Variants in GADL1 observed in about 807,000 individuals in gnomAD.
The protein encoded by GADL1 is acidic amino acid decarboxylase GADL1.
Under a neutral mutation model 69.5 loss-of-function variants are expected in GADL1, and 71 were observed. The ratio of observed to expected loss-of-function variants is 1.02; its 90% CI spans 0.84 to 1.25. The LOEUF (loss-of-function observed/expected upper bound fraction) is 1.25. Among genes scored for constraint, GADL1 ranks in the 50% most tolerant of loss-of-function variants. The pLI, the probability that GADL1 is intolerant of heterozygous loss-of-function variation, is 0.00. For synonymous variants in GADL1, 254 were observed against 214.4 expected (o/e 1.18, Z -1.62); for missense variants, 737 against 631.8 (o/e 1.17, Z -1.79).
At chr3:30,753,059 TTTAAAA>T (rs1364474135) in intron 14 of GADL1, among the ~76,000 whole-genome samples, 2 of 152,184 alleles carry the variant, frequency 1.3e-5, no homozygotes, top group African/African-American at 4.8e-5. Flanking sequence ...CCAGCTACTC[TTTAAAA>T]TCAAAATGCT....
intron 13 of GADL1, among the ~76,000 whole-genome samples, chr3:30,781,351 T>C (rs1575202042): frequency 6.6e-6 from 1 of 152,250 alleles, no homozygotes; most frequent in Non-Finnish European, 1.5e-5. Context: ...GCAGCTCACG[T>C]TCTCTAAAAC....
intron 14 of GADL1, among the ~76,000 whole-genome samples, chr3:30,752,828 C>T (rs779606654): frequency 1.4e-5 from 2 of 146,834 alleles, no homozygotes; most frequent in Non-Finnish European, 1.5e-5. Flanking sequence ...CAAGAGTTTT[C>T]TATTTAAGTT....
intron 14 of GADL1, among the ~76,000 whole-genome samples, chr3:30,773,547 GTA>G (rs1696466825): frequency 6.6e-6 from 1 of 152,096 alleles, no homozygotes; most frequent in African/African-American, 2.4e-5. Context: ...ATGTACTTAA[GTA>G]TACTTAAGCA....
intron 14 of GADL1, among the ~76,000 whole-genome samples, chr3:30,748,154 A>G (rs1695738115): frequency 6.6e-6 from 1 of 152,208 alleles, no homozygotes; most frequent in African/African-American, 2.4e-5. Context: ...CTCCTGGACC[A>G]AATCAATGGC....
At chr3:30,875,686 C>G (rs147816852) in intron 1 of GADL1, among the ~76,000 whole-genome samples, 8 of 151,800 alleles carry the variant, frequency 5.3e-5, no homozygotes, top group Admixed American at 3.3e-4. Context: ...TCTGATTTGC[C>G]CTCTCGGGTG....
At chr3:30,872,121 C>T (rs1017527256) in intron 1 of GADL1, among the ~76,000 whole-genome samples, 1 of 151,944 alleles carries the variant, frequency 6.6e-6, no homozygotes, top group African/African-American at 2.4e-5. Flanking sequence ...ATCTTTTGAA[C>T]TTCTATAATG....
intron 12 of GADL1, chr3:30,800,637 G>A (rs986960857): frequency 2.0e-6 from 1 of 499,410 alleles, no homozygotes; most frequent in African/African-American, 1.9e-5. Context: ...CATCTCAGTA[G>A]GCTAGGATCT....
chr3:30,844,615 G>A, intron 6 of GADL1, 149 bp from the exon 7 acceptor site: 3 of 628,560 alleles, frequency 4.8e-6, no homozygotes, highest in East Asian at 5.4e-5. Context: ...GAGCTCCTTA[G>A]CATAGTGGTT....
chr3:30,836,421 G>A (rs1438991136), intron 9 of GADL1, among the ~76,000 whole-genome samples: 1 of 149,638 alleles, frequency 6.7e-6, no homozygotes, highest in Non-Finnish European at 1.5e-5. Context: ...CACCCCTGAT[G>A]TAAATGCCCT....
intron 1 of GADL1, among the ~76,000 whole-genome samples, chr3:30,884,461 C>G (rs183219042): frequency 6.6e-6 from 1 of 151,994 alleles, no homozygotes; most frequent in Admixed American, 6.6e-5. Flanking sequence ...CCTAAATCCA[C>G]GAGAGATGGA....
In GADL1 at chr3:30,749,370, A is replaced by C. The variant is rs142379116; in HGVS notation, c.1393-20955T>G. On this transcript the variant is annotated intron_variant, in intron 14 of 14. Coordinates refer to ENST00000282538, the MANE Select transcript of GADL1 (RefSeq NM_207359.3). Reference sequence around the variant, plus strand: ...TCTTGGTCTTCTCTCTAAAATCAGAAGAAAAGAAGACTGGCCAGAATGCTG... The same window carrying C: ...TCTTGGTCTTCTCTCTAAAATCAGACGAAAAGAAGACTGGCCAGAATGCTG... Among the ~76,000 whole-genome samples, 543 of 152,322 alleles carry C rather than the reference A, an allele frequency of 3.6e-3. 2 individuals are homozygous for C. The highest frequency in any genetic ancestry group is 0.012 in the African/African-American group (514 of 41,570).
chr3:30,785,372 ATTTCTT>A (rs1178145380), intron 13 of GADL1, among the ~76,000 whole-genome samples: 4 of 133,482 alleles, frequency 3.0e-5, no homozygotes, highest in Non-Finnish European at 3.0e-5. Flanking sequence ...AAAAAGCTAG[ATTTCTT>A]TTTCTTTTTT....
intron 11 of GADL1, among the ~76,000 whole-genome samples, chr3:30,804,357 A>G (rs1238886295): frequency 6.6e-6 from 1 of 152,164 alleles, no homozygotes; most frequent in Non-Finnish European, 1.5e-5. Flanking sequence ...GGAAATGACA[A>G]AGAGACAACT....
chr3:30,778,308 T>A, intron 13 of GADL1, 40 bp from the exon 14 acceptor site: 1 of 1,265,862 alleles, frequency 7.9e-7, no homozygotes, highest in Non-Finnish European at 1.1e-6. Context: ...ATCTTAAGAT[T>A]TATCTTAGAA....
intron 1 of GADL1, 40 bp downstream of exon 1, chr3:30,894,538 G>T (rs1184943511): frequency 2.0e-6 from 3 of 1,515,900 alleles, no homozygotes; most frequent in Admixed American, 2.0e-5. Context: ...CCAGACAGGG[G>T]AGGTTAAGGA....
intron 14 of GADL1, among the ~76,000 whole-genome samples, chr3:30,737,332 C>T (rs1022592493): frequency 4.6e-5 from 7 of 151,982 alleles, no homozygotes; most frequent in African/African-American, 1.2e-4. Context: ...AATTTCCTCT[C>T]GCATTGCTTA....
intron 14 of GADL1, among the ~76,000 whole-genome samples, chr3:30,739,105 T>C (rs1016046648): frequency 2.6e-5 from 4 of 152,178 alleles, no homozygotes; most frequent in Non-Finnish European, 5.9e-5. Context: ...TAATTTTACA[T>C]TGTAGAACCT....
Position 30,728,403 on chromosome 3 carries a change from T to C in GADL1, c.1405A>G (p.Ile469Val). ...WAKLNLVAPA[I>V]KERMMKKGSL... ...CCCTTCTTCATCATCCTCTCCTTAATGGCTGGGGCCACCTGTGTGGGGAGA... is the reference window on the plus strand; with the variant it reads ...CCCTTCTTCATCATCCTCTCCTTAACGGCTGGGGCCACCTGTGTGGGGAGA... The change falls in exon 15 of 15, where the codon ATT becomes GTT. Residue 469 changes from isoleucine to valine, a missense_variant. Physicochemically the swap from Ile to Val is conservative, Grantham distance 29. Transcript: ENST00000282538. 2 of 1,613,548 alleles carry C rather than the reference T, an allele frequency of 1.2e-6. No individual in the cohort carries two copies. Among genetic ancestry groups the C allele is most frequent in the African/African-American group, 1.3e-5 (1 of 75,000 alleles).
At position 30,856,476 on chromosome 3, in the gene GADL1, C is replaced by T. The variant is rs922839211; in HGVS notation, c.337+539G>A. On this transcript the variant is annotated intron_variant, in intron 3 of 14. Coordinates refer to ENST00000282538, the MANE Select transcript of GADL1 (RefSeq NM_207359.3). ...AAAAACTTGGAATGTATTCATTTGT[C>T]TTATATCCATCTAAGGGCTTTTATT... Among the ~76,000 whole-genome samples the T allele has an allele frequency of 4.6e-5, 7 of 152,128 alleles. No homozygotes were observed. In the South Asian group the frequency reaches 1.4e-3, roughly 31 times the overall value.
Sources: allele counts gnomAD v4.1 joint callset (sites outside exome capture counted in the v4.1 genomes callset), GRCh38; gene constraint gnomAD v4.1.1; transcripts MANE v1.5; gene names NCBI Gene and HGNC (gene_info 2026-07-23, HGNC 2026-07-21).